Variants in GRAMD1C observed in about 807,000 individuals in gnomAD.
GRAMD1C encodes the protein protein Aster-C.
In GRAMD1C, 89 loss-of-function variants were observed where a neutral mutation model predicts 97.8. The observed-to-expected ratio is 0.91, with a 90% CI of 0.77 to 1.09. The LOEUF (loss-of-function observed/expected upper bound fraction) is 1.09, where lower values mean the gene tolerates loss of function less well. Ranked by LOEUF, GRAMD1C falls within the 50% of genes least tolerant of loss-of-function variation. GRAMD1C has a pLI of 0.00. For missense variants in GRAMD1C, 740 were observed against 766.4 expected, an observed-to-expected ratio of 0.97 and a Z score of 0.41; for synonymous variants, 256 against 267.0, an observed-to-expected ratio of 0.96 and a Z score of 0.40.
At chr3:113,893,222 A>T (rs35460817) in intron 6 of GRAMD1C, among the ~76,000 whole-genome samples, 4,208 of 151,196 alleles carry the variant, frequency 0.028, 84 homozygotes, top group Middle Eastern at 0.11. Context: ...ATCTTTTTTT[A>T]AAAAAAAATG....
chr3:113,902,287 G>C (rs1936205650), intron 7 of GRAMD1C, among the ~76,000 whole-genome samples: 4 of 152,158 alleles, frequency 2.6e-5, no homozygotes, highest in Admixed American at 2.6e-4. Flanking sequence ...TTTTTTACAT[G>C]GTTGCACATG....
At chr3:113,885,346 G>A in intron 6 of GRAMD1C, 1 of 1,592,362 alleles carries the variant, frequency 6.3e-7, no homozygotes, top group South Asian at 1.1e-5. Flanking sequence ...CGTGGCCTTC[G>A]CTGCCAAGCT....
chr3:113,863,492 C>T (rs1263515658), intron 2 of GRAMD1C, among the ~76,000 whole-genome samples: 2 of 152,052 alleles, frequency 1.3e-5, no homozygotes, highest in Non-Finnish European at 2.9e-5. Context: ...AGAGTAACTG[C>T]TAATGGGTAT....
At chr3:113,854,872 G>T (rs1208639010) in intron 2 of GRAMD1C, among the ~76,000 whole-genome samples, 1 of 152,156 alleles carries the variant, frequency 6.6e-6, no homozygotes, top group East Asian at 1.9e-4. Context: ...ATTTAATAAG[G>T]CTTCAACCTA....
intron 2 of GRAMD1C, among the ~76,000 whole-genome samples, chr3:113,849,756 A>T (rs1033827674): frequency 6.6e-6 from 1 of 152,082 alleles, no homozygotes; most frequent in Non-Finnish European, 1.5e-5. Context: ...CCCCCTTTCT[A>T]TTCCACAAAA....
intron 2 of GRAMD1C, among the ~76,000 whole-genome samples, chr3:113,860,469 A>G (rs1021731109): frequency 2.0e-5 from 3 of 152,224 alleles, no homozygotes; most frequent in Non-Finnish European, 2.9e-5. Flanking sequence ...AGACTAATCT[A>G]CAGATTCAAC....
At chr3:113,936,499 G>C in intron 14 of GRAMD1C, 57 bp downstream of exon 14, 1 of 1,096,034 alleles carries the variant, frequency 9.1e-7, no homozygotes, top group Non-Finnish European at 1.4e-6. Flanking sequence ...ATATGAAGCA[G>C]AATGTGCCTC....
At chr3:113,875,386 C>G (rs1934984175) in intron 3 of GRAMD1C, 98 bp from the exon 4 acceptor site, 1 of 660,436 alleles carries the variant, frequency 1.5e-6, no homozygotes, top group African/African-American at 1.8e-5. Context: ...AACTAATGAA[C>G]AAAAAGTGAT....
intron 5 of GRAMD1C, 79 bp downstream of exon 5, chr3:113,876,339 T>C (rs1007578528): frequency 1.9e-5 from 14 of 734,180 alleles, no homozygotes; most frequent in Admixed American, 4.6e-5. Context: ...GTTGGGAAAT[T>C]AGGCAGTTCT....
At chr3:113,842,120 A>G (rs997293799) in intron 1 of GRAMD1C, among the ~76,000 whole-genome samples, 1 of 152,220 alleles carries the variant, frequency 6.6e-6, no homozygotes, top group Non-Finnish European at 1.5e-5. Flanking sequence ...AATGTATACC[A>G]CCATCGTGGA....
intron 17 of GRAMD1C, among the ~76,000 whole-genome samples, chr3:113,942,421 A>G (rs1191608762): frequency 6.6e-6 from 1 of 150,942 alleles, no homozygotes; most frequent in Admixed American, 6.6e-5. Flanking sequence ...GAAGCTCTTT[A>G]CATATGGATT....
At position 113,850,786 on chromosome 3, in the gene GRAMD1C, T is replaced by C; in HGVS notation, c.174+6137T>C. ...CTGGAAAGGATATACTTAATTTTTT[T>C]TTTATTTTTATTTTTTTAATTTTTA... On this transcript the variant is annotated intron_variant, in intron 2 of 17. Transcript: ENST00000358160. The C allele has an allele frequency of 5.0e-6, 4 of 799,560 alleles. 1 individual carries two copies. In the South Asian group the frequency reaches 1.3e-4, roughly 26 times the overall value. 49.5% of individuals were successfully genotyped at this position (799,560 alleles called of 1,614,324 possible).
rs1934995437 is a variant in GRAMD1C, at chr3:113,875,602, A to G, written c.363+15A>G. On this transcript the variant is annotated intron_variant, in intron 4 of 17. Coordinates refer to ENST00000358160, the MANE Select transcript of GRAMD1C (RefSeq NM_017577.5). The stretch of plus-strand genomic sequence containing the variant: ...GGGAAACTACAGTAAGACATTTTGC[A>G]TTTGATTTGTTGATACAAATAATTG... 1 of 1,085,906 alleles carries G rather than the reference A, an allele frequency of 9.2e-7. No homozygotes were observed. Among genetic ancestry groups the G allele is most frequent in the Non-Finnish European group, 1.4e-6 (1 of 696,824 alleles). The allele number at this position is 1,085,906 out of a possible 1,614,324, so 67.3% of individuals were successfully genotyped here.
chr3:113,886,234 C>T (rs1248334034), intron 6 of GRAMD1C, among the ~76,000 whole-genome samples: 1 of 152,170 alleles, frequency 6.6e-6, no homozygotes, highest in Admixed American at 6.5e-5. Flanking sequence ...GAAGCAGCCT[C>T]ACTCTTAACT....
chr3:113,840,497 G>T (rs1416009679), intron 1 of GRAMD1C, among the ~76,000 whole-genome samples: 1 of 152,090 alleles, frequency 6.6e-6, no homozygotes, highest in African/African-American at 2.4e-5. Flanking sequence ...AGCACTTTGG[G>T]AGGCCAAGGC....
At chr3:113,866,855 G>A (rs1057102139) in intron 2 of GRAMD1C, among the ~76,000 whole-genome samples, 3 of 150,396 alleles carry the variant, frequency 2.0e-5, no homozygotes, top group Non-Finnish European at 2.9e-5. Context: ...TTGAGATGGA[G>A]TCTCACTCTG....
chr3:113,934,069 C>T (rs550245442), intron 12 of GRAMD1C, among the ~76,000 whole-genome samples: 1 of 152,292 alleles, frequency 6.6e-6, no homozygotes, highest in East Asian at 1.9e-4. Flanking sequence ...TGTACTTGGC[C>T]TACTCTGGTT....
At chr3:113,867,787 G>T (rs1934642870) in intron 2 of GRAMD1C, among the ~76,000 whole-genome samples, 1 of 152,074 alleles carries the variant, frequency 6.6e-6, no homozygotes, top group African/African-American at 2.4e-5. Flanking sequence ...TGTTTATCCT[G>T]CTTGGGATTC....
At chr3:113,940,573 A>G (rs1438395034) in intron 17 of GRAMD1C, among the ~76,000 whole-genome samples, 1 of 152,156 alleles carries the variant, frequency 6.6e-6, no homozygotes, top group African/African-American at 2.4e-5. Flanking sequence ...ACACTGTTGT[A>G]TATCTTTTTT....
Sources: gnomAD v4.1 joint callset for allele counts (sites outside exome capture counted in the v4.1 genomes callset) on GRCh38, gnomAD v4.1.1 for gene constraint, MANE v1.5 for transcripts, NCBI Gene and HGNC (gene_info 2026-07-23, HGNC 2026-07-21) for gene names.